Variants in RAB38 observed in about 807,000 individuals in gnomAD.
RAB38 encodes ras-related protein Rab-38.
RAB38 carries 15 observed loss-of-function variants against 18.4 expected under a neutral mutation model. That is an observed-to-expected ratio of 0.82 (90% CI 0.55 to 1.26). The LOEUF (loss-of-function observed/expected upper bound fraction) is 1.26, where lower values mean the gene tolerates loss of function less well. RAB38 is among the 50% of genes most tolerant of loss of function. The pLI, the probability that RAB38 is intolerant of heterozygous loss-of-function variation, is 0.00. For missense variants in RAB38, 294 were observed against 267.4 expected, an observed-to-expected ratio of 1.10 and a Z score of -0.69; for synonymous variants, 101 against 104.4, an observed-to-expected ratio of 0.97 and a Z score of 0.20.
At chr11:88,010,341 G>A in the RAB38 span, among the ~76,000 whole-genome samples, 2 of 152,114 alleles carry the variant, frequency 1.3e-5, no homozygotes, top group East Asian at 1.9e-4. Flanking sequence ...CTATAAGAGA[G>A]GACAAATAAC....
chr11:88,107,263 T>C, the RAB38 span, among the ~76,000 whole-genome samples: 1 of 152,088 alleles, frequency 6.6e-6, no homozygotes, highest in Non-Finnish European at 1.5e-5. Context: ...AGAAAACCCA[T>C]AGGCTTTATC....
chr11:87,833,138 T>C, the RAB38 span, among the ~76,000 whole-genome samples: 16 of 152,306 alleles, frequency 1.1e-4, no homozygotes, highest in Admixed American at 7.2e-4. Flanking sequence ...CTAAAATGTG[T>C]TGCTCAGTTC....
At chr11:87,976,594 T>G in the RAB38 span, among the ~76,000 whole-genome samples, 3 of 101,970 alleles carry the variant, frequency 2.9e-5, no homozygotes, top group Admixed American at 1.2e-4. Context: ...TTTTATATAC[T>G]GTCTATAAAT....
the RAB38 span, among the ~76,000 whole-genome samples, chr11:88,105,619 A>T: frequency 6.6e-6 from 1 of 152,070 alleles, no homozygotes; most frequent in Non-Finnish European, 1.5e-5. Flanking sequence ...TTATGTGTTC[A>T]CCCAGCTGTC....
chr11:88,060,015 C>T, the RAB38 span, among the ~76,000 whole-genome samples: 12 of 152,330 alleles, frequency 7.9e-5, no homozygotes, highest in African/African-American at 2.9e-4. Flanking sequence ...TTTATGAACA[C>T]TGACTGAGCT....
rs369380559 is a variant in RAB38, at chr11:88,151,028, T to TTTG, written c.203-1076_203-1074dup. On this transcript the variant is annotated intron_variant, in intron 1 of 2. Transcript: ENST00000243662. ...TCCTACAGCAAAACACTAAATAAGT[T>TTTG]TTGTTGTTGTTGTTGTTGTTTAGGA... is the stretch of plus-strand genomic sequence containing the variant. 9.2e-3 allele frequency among the ~76,000 whole-genome samples: 1,406 copies of TTTG among 152,150 alleles called. 22 individuals are homozygous for TTTG. Among genetic ancestry groups the TTTG allele is most frequent in the African/African-American group, 0.032 (1,316 of 41,520 alleles).
chr11:87,932,844 T>C, the RAB38 span, among the ~76,000 whole-genome samples: 876 of 152,198 alleles, frequency 5.8e-3, 7 homozygotes, highest in African/African-American at 0.02. Flanking sequence ...ATCTTCTAAA[T>C]TGGGCATTCC....
chr11:87,895,154 G>T, the RAB38 span, among the ~76,000 whole-genome samples: 2 of 151,550 alleles, frequency 1.3e-5, no homozygotes, highest in Admixed American at 6.6e-5. Flanking sequence ...TTGCTCTAGC[G>T]GGGCCTCTGG....
the RAB38 span, among the ~76,000 whole-genome samples, chr11:88,072,321 A>T: frequency 6.6e-6 from 1 of 152,184 alleles, no homozygotes; most frequent in African/African-American, 2.4e-5. Context: ...CAATCAGCAC[A>T]CCTAAGGATA....
the RAB38 span, among the ~76,000 whole-genome samples, chr11:88,087,604 C>A: frequency 6.6e-6 from 1 of 151,896 alleles, no homozygotes; most frequent in Non-Finnish European, 1.5e-5. Flanking sequence ...GGGCTCTTGG[C>A]AACTGTATTG....
the RAB38 span, among the ~76,000 whole-genome samples, chr11:88,033,816 C>T: frequency 1.1e-4 from 16 of 150,950 alleles, no homozygotes; most frequent in African/African-American, 3.7e-4. Flanking sequence ...CAAGCTCCGC[C>T]TCCCGGGTTC....
At chr11:88,119,669 C>CAAA (rs34044049) in intron 2 of RAB38, among the ~76,000 whole-genome samples, 13 of 106,608 alleles carry the variant, frequency 1.2e-4, no homozygotes, top group African/African-American at 3.7e-4. Flanking sequence ...ACCAGAGAGC[C>CAAA]AAAAAAAAAA....
chr11:88,078,480 T>A, the RAB38 span, among the ~76,000 whole-genome samples: 1 of 149,366 alleles, frequency 6.7e-6, no homozygotes, highest in Non-Finnish European at 1.5e-5. Flanking sequence ...ATATCATGTA[T>A]ATGTATATAT....
At chr11:87,976,460 T>A in the RAB38 span, among the ~76,000 whole-genome samples, 5 of 135,120 alleles carry the variant, frequency 3.7e-5, no homozygotes, top group Admixed American at 8.1e-5. Flanking sequence ...TATAAATATA[T>A]ATATTTTACA....
the RAB38 span, among the ~76,000 whole-genome samples, chr11:87,902,795 A>C: frequency 2.0e-5 from 3 of 151,146 alleles, no homozygotes; most frequent in East Asian, 5.8e-4. Context: ...ATATTTTAAA[A>C]ATTTTATAAC....
At position 88,114,055 on chromosome 11, in the gene RAB38, G is replaced by C; in HGVS notation, c.569C>G (p.Pro190Arg). ...NECDLMESIE[P>R]DVVKPHLTST... ...TGTGAGATGGGGCTTCACGACGTCC[G>C]GCTCAATAGACTCCATTAGGTCACA... is the stretch of plus-strand genomic sequence containing the variant. Residue 190 changes from proline (P) to arginine (R), a missense_variant, in exon 3 of 3, where the codon CCG becomes CGG. Transcript: ENST00000243662. 1 of 1,614,110 alleles carries C rather than the reference G, an allele frequency of 6.2e-7. No homozygotes were observed. Among genetic ancestry groups the C allele is most frequent in the African/African-American group, 1.3e-5 (1 of 75,030 alleles).
chr11:88,041,137 C>T, the RAB38 span, among the ~76,000 whole-genome samples: 1 of 152,108 alleles, frequency 6.6e-6, no homozygotes, highest in Non-Finnish European at 1.5e-5. Context: ...CTTATCTGTA[C>T]TCCAAGATAG....
the RAB38 span, among the ~76,000 whole-genome samples, chr11:88,013,710 C>G: frequency 6.6e-6 from 1 of 152,084 alleles, no homozygotes; most frequent in Non-Finnish European, 1.5e-5. Flanking sequence ...TAGGCCAAGT[C>G]CTATTATTCA....
chr11:88,044,798 C>A, the RAB38 span, among the ~76,000 whole-genome samples: 5 of 152,046 alleles, frequency 3.3e-5, no homozygotes, highest in African/African-American at 4.8e-5. Flanking sequence ...TTTCTACAGA[C>A]CCATCTGACC....
Sources: gnomAD v4.1 joint callset for allele counts (sites outside exome capture counted in the v4.1 genomes callset) on GRCh38, gnomAD v4.1.1 for gene constraint, MANE v1.5 for transcripts, NCBI Gene and HGNC (gene_info 2026-07-23, HGNC 2026-07-21) for gene names.